The following USP43 variants were observed in gnomAD, a reference collection of about 807,000 sequenced individuals.
USP43 encodes ubiquitin specific peptidase 43.
USP43 carries 33 observed loss-of-function variants against 90.7 expected under a neutral mutation model. That is an observed-to-expected ratio of 0.36 (90% CI 0.28 to 0.49). The LOEUF is 0.49. Ranked by LOEUF, USP43 falls within the 20% of genes least tolerant of loss-of-function variation. The pLI is 0.98. For synonymous variants in USP43, 598 were observed against 615.8 expected (o/e 0.97, Z 0.43); for missense variants, 1,274 against 1,476.4 (o/e 0.86, Z 2.25).
intron 8 of USP43, among the ~76,000 whole-genome samples, chr17:9,692,085 G>A (rs1456806771): frequency 1.3e-5 from 2 of 151,180 alleles, no homozygotes; most frequent in Admixed American, 6.6e-5. Flanking sequence ...TAGGCTGGAC[G>A]TGGTGGCTCA....
At chr17:9,687,500 T>C (rs1352879710) in intron 8 of USP43, among the ~76,000 whole-genome samples, 1 of 152,208 alleles carries the variant, frequency 6.6e-6, no homozygotes, top group Admixed American at 6.5e-5. Context: ...ATTCTCAGAT[T>C]GGTAGTTTCC....
intron 7 of USP43, among the ~76,000 whole-genome samples, chr17:9,683,179 C>T (rs1295100115): frequency 2.6e-5 from 4 of 152,116 alleles, no homozygotes; most frequent in Non-Finnish European, 4.4e-5. Flanking sequence ...TCCTATTAAT[C>T]GGAGGAACAA....
intron 12 of USP43, among the ~76,000 whole-genome samples, chr17:9,707,374 C>T (rs186429991): frequency 4.9e-4 from 74 of 152,192 alleles, no homozygotes; most frequent in Admixed American, 3.4e-3. Flanking sequence ...TGGCCAGGCG[C>T]GGTGGCTCAC....
intron 14 of USP43, among the ~76,000 whole-genome samples, chr17:9,714,599 C>T (rs1025265682): frequency 6.7e-6 from 1 of 150,324 alleles, no homozygotes; most frequent in Non-Finnish European, 1.5e-5. Flanking sequence ...AGGGGAATCG[C>T]TTGAACCTGG....
At chr17:9,706,505 T>G (rs1313313164) in intron 12 of USP43, among the ~76,000 whole-genome samples, 3 of 152,076 alleles carry the variant, frequency 2.0e-5, no homozygotes, top group Non-Finnish European at 4.4e-5. Flanking sequence ...ATTTGGAGTT[T>G]CTTAATTTTC....
chr17:9,680,515 G>C, intron 6 of USP43, 149 bp downstream of exon 6: 2 of 918,270 alleles, frequency 2.2e-6, no homozygotes, highest in Non-Finnish European at 3.2e-6. Context: ...TGTGCAGATG[G>C]TTGATATTAA....
At chr17:9,720,512 GTGTTTCACTCT>G (rs769298319) in intron 14 of USP43, among the ~76,000 whole-genome samples, 23 of 150,690 alleles carry the variant, frequency 1.5e-4, no homozygotes, top group African/African-American at 2.7e-4. Flanking sequence ...TTTTGAGATG[GTGTTTCACTCT>G]TGTTGCCCAG....
intron 9 of USP43, among the ~76,000 whole-genome samples, chr17:9,697,752 G>C (rs1392532668): frequency 6.6e-6 from 1 of 151,702 alleles, no homozygotes; most frequent in African/African-American, 2.4e-5. Flanking sequence ...TGGATACCCG[G>C]GTTGACTCCA....
intron 1 of USP43, among the ~76,000 whole-genome samples, chr17:9,653,659 G>A (rs1191085315): frequency 6.6e-6 from 1 of 151,696 alleles, no homozygotes; most frequent in Non-Finnish European, 1.5e-5. Flanking sequence ...GCAGCTAGGT[G>A]GATTACTTAC....
At chr17:9,706,250 C>A (rs1445786117) in intron 12 of USP43, among the ~76,000 whole-genome samples, 1 of 152,180 alleles carries the variant, frequency 6.6e-6, no homozygotes, top group African/African-American at 2.4e-5. Flanking sequence ...AGATTCACCT[C>A]TTTTCTGTAA....
At chr17:9,710,477 C>T (rs932423195) in intron 13 of USP43, among the ~76,000 whole-genome samples, 1 of 145,392 alleles carries the variant, frequency 6.9e-6, no homozygotes, top group South Asian at 2.2e-4. Flanking sequence ...ATAAAGGATG[C>T]AGGACTTTTC....
intron 1 of USP43, 50 bp from the exon 2 acceptor site, chr17:9,656,353 G>C (rs776624910): frequency 6.3e-7 from 1 of 1,586,984 alleles, no homozygotes; most frequent in Non-Finnish European, 8.6e-7. Context: ...GCCTTCATTT[G>C]GTTGTATAAG....
intron 7 of USP43, among the ~76,000 whole-genome samples, chr17:9,684,035 G>A (rs2151978088): frequency 6.6e-6 from 1 of 152,162 alleles, no homozygotes; most frequent in Non-Finnish European, 1.5e-5. Context: ...TACTTGGGAG[G>A]CTATGGCAGG....
rs60430206 is a variant in USP43 at position 9,701,611 on chromosome 17, G to A, written c.1922G>A (p.Cys641Tyr). ...TGGCCTTCCTGGAAGCAGCCGGACT[G>A]CCTGCCCACCAGTTACCCGCTGGAC... ...GPWPSWKQPDCLPTSYPLDFL... is the reference protein window; with the variant it reads ...GPWPSWKQPDYLPTSYPLDFL... The change falls in exon 12 of 15, where the codon TGC (cysteine) becomes TAC (tyrosine). Residue 641 changes from cysteine (C) to tyrosine (Y), a missense_variant. Cys to Tyr is a radical substitution (Grantham distance 194). Coordinates refer to ENST00000285199, the MANE Select transcript of USP43 (RefSeq NM_153210.5). This position sits in a 1 kb window ranked among gnomAD's most constrained non-coding sequence, Gnocchi z 7.2. The A allele has an allele frequency of 3.0e-5, 47 of 1,584,808 alleles. No individual in the cohort carries two copies. The South Asian group carries it at 3.5e-4, about 12-fold the overall frequency.
intron 2 of USP43, 139 bp from the exon 3 acceptor site, chr17:9,666,509 A>C: frequency 3.0e-6 from 2 of 657,108 alleles, no homozygotes; most frequent in Non-Finnish European, 5.3e-6. Flanking sequence ...TGGTAAAGGC[A>C]GCACTGAAGG....
At chr17:9,655,082 A>AG (rs2055222527) in intron 1 of USP43, among the ~76,000 whole-genome samples, 1 of 139,472 alleles carries the variant, frequency 7.2e-6, no homozygotes, top group Non-Finnish European at 1.5e-5. Flanking sequence ...AAAGAAAGAA[A>AG]GGAAAAAAAA....
In USP43 at chr17:9,680,256, G is replaced by C; in HGVS notation, c.995G>C (p.Ser332Thr). 6.2e-7 allele frequency: 1 copy of C among 1,613,808 alleles called. No homozygotes were observed. The highest frequency in any genetic ancestry group is 1.3e-5 in the African/African-American group (1 of 75,014). Residue 332 changes from serine to threonine, a missense_variant, in exon 6 of 15, where the codon AGT becomes ACT. Physicochemically the swap from Ser to Thr is moderately conservative, Grantham distance 58. This residue lies in a region of USP43 where 259 missense variants were observed against 373.7 expected (regional missense o/e 0.69). Coordinates refer to ENST00000285199, the MANE Select transcript of USP43 (RefSeq NM_153210.5). ...GTGATCTTGGTTGAACTGTATCCCA[G>C]TGGATTCCAGCGGTCTTTCTTTGAT... ...DEVILVELYP[S>T]GFQRSFFDEE... is the part of the protein sequence containing the mutation.
At chr17:9,719,024 A>T (rs1309430132) in intron 14 of USP43, among the ~76,000 whole-genome samples, 1 of 152,072 alleles carries the variant, frequency 6.6e-6, no homozygotes, top group African/African-American at 2.4e-5. Context: ...GCTACTCGGG[A>T]GGCTGAGGCA....
At chr17:9,667,391 C>CA (rs201363740) in intron 3 of USP43, among the ~76,000 whole-genome samples, 39 of 149,424 alleles carry the variant, frequency 2.6e-4, no homozygotes, top group Non-Finnish European at 4.9e-4. Context: ...AACCCTATCT[C>CA]AAAAAAAAAG....
Sources: allele counts gnomAD v4.1 joint callset (sites outside exome capture counted in the v4.1 genomes callset), GRCh38; gene constraint gnomAD v4.1.1; regional missense constraint gnomAD v4.1.1; non-coding constraint Gnocchi (gnomAD v3.1); transcripts MANE v1.5; gene names NCBI Gene and HGNC (gene_info 2026-07-23, HGNC 2026-07-21).